The following ALKBH3 variants were observed in gnomAD, a reference collection of about 807,000 sequenced individuals.
ALKBH3 encodes alpha-ketoglutarate-dependent dioxygenase alkB homolog 3.
A neutral mutation model predicts 43.9 loss-of-function variants in ALKBH3; 51 were observed. The observed-to-expected ratio is 1.16, with a 90% CI of 0.93 to 1.47. The LOEUF is 1.47. ALKBH3 is among the 40% of genes most tolerant of loss of function. ALKBH3 has a pLI of 0.00. For synonymous variants in ALKBH3, 102 were observed against 115.2 expected, an observed-to-expected ratio of 0.89 and a Z score of 0.73; for missense variants, 361 against 351.9, an observed-to-expected ratio of 1.03 and a Z score of -0.21.
In ALKBH3 at chr11:43,883,980, C is replaced by T. The variant is rs770877304; in HGVS notation, c.184-3C>T. On this transcript the variant is annotated splice_region_variant and splice_polypyrimidine_tract_variant and intron_variant, in intron 3 of 9. Coordinates refer to ENST00000302708, the MANE Select transcript of ALKBH3 (RefSeq NM_139178.4). ...GAAGTAAGATCCGCCTATTTCCTTG[C>T]AGGTAGTACGTAGAGCTCCTGAGCC... is the stretch of plus-strand genomic sequence containing the variant. 34 of 1,613,454 alleles carry T rather than the reference C, an allele frequency of 2.1e-5. No homozygotes were observed. Among genetic ancestry groups the T allele is most frequent in the Non-Finnish European group, 2.8e-5 (33 of 1,179,744 alleles).
chr11:43,904,980 T>G (rs181374723), intron 8 of ALKBH3, among the ~76,000 whole-genome samples: 1 of 152,234 alleles, frequency 6.6e-6, no homozygotes, highest in East Asian at 1.9e-4. Context: ...GAGGGAATCT[T>G]TCAAACTCCT....
intron 7 of ALKBH3, chr11:43,898,547 A>G: frequency 1.3e-6 from 1 of 779,752 alleles, no homozygotes; most frequent in Non-Finnish European, 2.3e-6. Flanking sequence ...ATAAATGAAG[A>G]AGAGCTAAGG....
At chr11:43,901,452 C>G in intron 7 of ALKBH3, 64 bp from the exon 8 acceptor site, 1 of 1,584,650 alleles carries the variant, frequency 6.3e-7, no homozygotes, top group Non-Finnish European at 8.6e-7. Flanking sequence ...TCTGTTTTTC[C>G]ATGCGGCTGT....
chr11:43,889,880 A>G (rs774357027), intron 6 of ALKBH3, 52 bp downstream of exon 6: 33 of 1,443,922 alleles, frequency 2.3e-5, no homozygotes, highest in Non-Finnish European at 1.3e-5. Context: ...CCCTCTCTGG[A>G]ATGTTTCCTA....
chr11:43,898,338 G>A (rs939909461), intron 7 of ALKBH3: 7 of 712,212 alleles, frequency 9.8e-6, no homozygotes, highest in South Asian at 4.8e-5. Flanking sequence ...AATCTTTGGC[G>A]TGGAGGAAGC....
At chr11:43,915,785 CTG>C (rs1401078030) in intron 8 of ALKBH3, among the ~76,000 whole-genome samples, 3 of 152,132 alleles carry the variant, frequency 2.0e-5, no homozygotes, top group African/African-American at 7.2e-5. Context: ...CTGGAAGACT[CTG>C]TGTGTATGTT....
At chr11:43,888,329 C>T (rs61883991) in intron 5 of ALKBH3, among the ~76,000 whole-genome samples, 2 of 25,026 alleles carry the variant, frequency 8.0e-5, no homozygotes, top group Non-Finnish European at 2.6e-4. Flanking sequence ...CCTTGAACTC[C>T]TGGGCTCAAG....
Position 43,892,064 on chromosome 11 carries a change from C to G in ALKBH3, c.394C>G (p.Leu132Val), listed in dbSNP as rs1951787792. ...REDITYQQPR[L>V]TAWYGELPYT... The stretch of plus-strand genomic sequence containing the variant: ...AGATATAACTTATCAGCAACCAAGA[C>G]TTACAGCATGGTATGGAGAACTTCC... The change falls in exon 7 of 10, where the codon CTT becomes GTT. Residue 132 changes from leucine (L) to valine (V), a missense_variant. Coordinates refer to ENST00000302708, the MANE Select transcript of ALKBH3 (RefSeq NM_139178.4). The G allele has an allele frequency of 6.2e-7, 1 of 1,613,274 alleles. No homozygotes were observed. The highest frequency in any genetic ancestry group is 1.3e-5 in the African/African-American group (1 of 74,928).
At chr11:43,883,850 G>C in intron 3 of ALKBH3, 133 bp from the exon 4 acceptor site, 15 of 998,580 alleles carry the variant, frequency 1.5e-5, no homozygotes, top group Non-Finnish European at 2.3e-5. Context: ...GTCTCTAGTG[G>C]GTTAGTGAGA....
intron 1 of ALKBH3, among the ~76,000 whole-genome samples, chr11:43,881,610 A>G (rs1389047284): frequency 2.6e-5 from 4 of 152,202 alleles, no homozygotes; most frequent in African/African-American, 9.6e-5. Flanking sequence ...CTCTCCACCT[A>G]TTAAATGAAA....
In ALKBH3 at chr11:43,885,538, G is replaced by C. The variant is rs34692429; in HGVS notation, c.219-1068G>C. On this transcript the variant is annotated intron_variant, in intron 4 of 9. Transcript: ENST00000302708. ...ACTGCCCCTTCGTGTTCTCTATAAC[G>C]TGTCTCTCTCTGAGAAGGATCTGAC... Among the ~76,000 whole-genome samples the C allele has an allele frequency of 8.1e-3, 1,232 of 152,272 alleles. 13 individuals are homozygous for C. The highest frequency in any genetic ancestry group is 0.028 in the African/African-American group (1,162 of 41,532).
intron 1 of ALKBH3, 33 bp from the exon 2 acceptor site, chr11:43,882,550 A>G: frequency 5.7e-6 from 6 of 1,056,726 alleles, no homozygotes; most frequent in Non-Finnish European, 8.1e-6. Flanking sequence ...AATCCTAACT[A>G]AAAGCACTGT....
At chr11:43,907,869 T>G (rs1348886444) in intron 8 of ALKBH3, among the ~76,000 whole-genome samples, 1 of 152,040 alleles carries the variant, frequency 6.6e-6, no homozygotes, top group Non-Finnish European at 1.5e-5. Context: ...AGCAGAAGAG[T>G]GACACGGTCT....
intron 8 of ALKBH3, among the ~76,000 whole-genome samples, chr11:43,902,925 A>G (rs1466962552): frequency 6.6e-6 from 1 of 152,234 alleles, no homozygotes; most frequent in African/African-American, 2.4e-5. Flanking sequence ...GACCTAAGCC[A>G]GACCACATCA....
At chr11:43,918,894 A>G (rs1314743319) in intron 8 of ALKBH3, 144 bp from the exon 9 acceptor site, 1 of 632,984 alleles carries the variant, frequency 1.6e-6, no homozygotes, top group Admixed American at 2.8e-5. Context: ...CCAACAGTCA[A>G]GCAGCTGCCA....
chr11:43,915,629 A>G (rs1158536899), intron 8 of ALKBH3, among the ~76,000 whole-genome samples: 1 of 147,488 alleles, frequency 6.8e-6, no homozygotes, highest in Non-Finnish European at 1.5e-5. Context: ...TGATATATAC[A>G]GGTGGTCAAA....
intron 4 of ALKBH3, among the ~76,000 whole-genome samples, chr11:43,885,232 A>T (rs1276414485): frequency 6.6e-6 from 1 of 152,186 alleles, no homozygotes; most frequent in Non-Finnish European, 1.5e-5. Flanking sequence ...GTTAATTCTC[A>T]TTATCTAAAG....
chr11:43,891,697 G>C (rs1362451913), intron 6 of ALKBH3, among the ~76,000 whole-genome samples: 2 of 152,188 alleles, frequency 1.3e-5, no homozygotes, highest in Admixed American at 1.3e-4. Flanking sequence ...CAGGGGTTCA[G>C]TCTCCATATT....
At chr11:43,903,219 C>T (rs975676327) in intron 8 of ALKBH3, among the ~76,000 whole-genome samples, 2 of 152,156 alleles carry the variant, frequency 1.3e-5, no homozygotes, top group Admixed American at 6.6e-5. Context: ...GTTACATTGG[C>T]AAGCAGCCTT....
Sources: gnomAD v4.1 joint callset for allele counts (sites outside exome capture counted in the v4.1 genomes callset) on GRCh38, gnomAD v4.1.1 for gene constraint, MANE v1.5 for transcripts, NCBI Gene and HGNC (gene_info 2026-07-23, HGNC 2026-07-21) for gene names.